SERPINE2: variants seen among roughly 807,000 people sequenced by gnomAD.
SERPINE2 encodes the protein serpin family E member 2, also known as glia-derived nexin.
Under a neutral mutation model 36.3 loss-of-function variants are expected in SERPINE2, and 14 were observed. The observed-to-expected ratio is 0.39, with a 90% confidence interval of 0.25 to 0.60. The LOEUF is 0.60. Among genes scored for constraint, SERPINE2 ranks in the 20% least tolerant of loss-of-function variants. SERPINE2 has a pLI of 0.57. For synonymous variants in SERPINE2, 192 were observed against 191.8 expected, an observed-to-expected ratio of 1.00 and a Z score of -0.01; for missense variants, 418 against 499.6, an observed-to-expected ratio of 0.84 and a Z score of 1.56.
chr2:224,010,008 C>A (rs1344785402), intron 1 of SERPINE2, among the ~76,000 whole-genome samples: 1 of 152,174 alleles, frequency 6.6e-6, no homozygotes, highest in South Asian at 2.1e-4. Flanking sequence ...TCCACCAAGA[C>A]CTGTATTCAT....
intron 1 of SERPINE2, among the ~76,000 whole-genome samples, chr2:224,033,160 T>C (rs1017526878): frequency 6.6e-6 from 1 of 152,196 alleles, no homozygotes; most frequent in African/African-American, 2.4e-5. Context: ...AGGCGTGCAA[T>C]CTACTCATGA....
intron 3 of SERPINE2, among the ~76,000 whole-genome samples, chr2:223,996,902 C>T (rs1043439550): frequency 2.0e-5 from 3 of 152,102 alleles, no homozygotes; most frequent in Non-Finnish European, 4.4e-5. Context: ...CACAGTGAGA[C>T]CCCACCTCTT....
At chr2:223,991,734 G>C in intron 4 of SERPINE2, 69 bp downstream of exon 4, 3 of 1,492,074 alleles carry the variant, frequency 2.0e-6, no homozygotes, top group Non-Finnish European at 2.8e-6. Flanking sequence ...CTGGAATTAA[G>C]TTAAAGCACT....
intron 3 of SERPINE2, among the ~76,000 whole-genome samples, chr2:223,993,827 C>T (rs781648955): frequency 7.9e-5 from 12 of 152,124 alleles, no homozygotes; most frequent in Non-Finnish European, 1.5e-4. Flanking sequence ...GCACTAACGC[C>T]ACCTTAAGTC....
rs748089179 is a variant in SERPINE2, at chr2:223,984,812, T to C, written c.824A>G (p.Lys275Arg). 6.2e-7 allele frequency: 1 copy of C among 1,613,962 alleles called. No individual in the cohort carries two copies. The highest frequency in any genetic ancestry group is 8.5e-7 in the Non-Finnish European group (1 of 1,180,000). Residue 275 changes from lysine to arginine, a missense_variant, in exon 5 of 9, where the codon AAG becomes AGG. Transcript: ENST00000409304. ...LSAIIPHIST[K>R]TIDSWMSIMV... Reference sequence around the variant, plus strand: ...GATGCTCATCCAGCTGTCTATGGTCTTGGTGCTGATGTGTGGGATGATGGC... The same window carrying C: ...GATGCTCATCCAGCTGTCTATGGTCCTGGTGCTGATGTGTGGGATGATGGC...
At chr2:224,005,073 AT>A (rs1691360027) in intron 1 of SERPINE2, among the ~76,000 whole-genome samples, 1 of 10,056 alleles carries the variant, frequency 9.9e-5, no homozygotes, top group Non-Finnish European at 2.4e-4. Flanking sequence ...TATTATATAT[AT>A]ATATATATAT....
At position 223,984,884 on chromosome 2, in the gene SERPINE2, A is replaced by T; in HGVS notation, c.752T>A (p.Ile251Asn). 1 of 1,614,196 alleles carries T rather than the reference A, an allele frequency of 6.2e-7. No homozygotes were observed. The highest frequency in any genetic ancestry group is 8.5e-7 in the Non-Finnish European group (1 of 1,180,026). Residue 251 changes from isoleucine (I) to asparagine (N), a missense_variant, in exon 5 of 9, where the codon ATC becomes AAC. Transcript: ENST00000409304. ...FIELPYHGES[I>N]SMLIALPTES... The stretch of plus-strand genomic sequence containing the variant: ...AGTCGGCAGTGCAATCAGCATGCTG[A>T]TGCTTTCCCCGTGGTAGGGCAGTTC...
chr2:223,982,397 T>A (rs747204836), intron 6 of SERPINE2: 3 of 269,474 alleles, frequency 1.1e-5, no homozygotes, highest in Non-Finnish European at 2.1e-5. Flanking sequence ...GGGGGAGGGG[T>A]GTACTAAAAT....
chr2:224,001,989 T>TC, intron 1 of SERPINE2, 67 bp from the exon 2 acceptor site: 1 of 1,360,346 alleles, frequency 7.4e-7, no homozygotes, highest in Non-Finnish European at 9.7e-7. Flanking sequence ...TTTTTTTTTT[T>TC]TCCCCCAGAT....
intron 7 of SERPINE2, 184 bp downstream of exon 7, chr2:223,980,126 GA>G: frequency 1.9e-6 from 1 of 519,324 alleles, no homozygotes; most frequent in Non-Finnish European, 3.5e-6. Flanking sequence ...TAATGAAACA[GA>G]TTCTGAGCTT....
At chr2:224,037,272 T>A (rs1168256052) in intron 1 of SERPINE2, among the ~76,000 whole-genome samples, 1 of 152,080 alleles carries the variant, frequency 6.6e-6, no homozygotes, top group Non-Finnish European at 1.5e-5. Flanking sequence ...ATTCTCCTGG[T>A]AGAATGGGCT....
At chr2:224,024,624 G>C (rs539005389) in intron 1 of SERPINE2, among the ~76,000 whole-genome samples, 2 of 152,278 alleles carry the variant, frequency 1.3e-5, no homozygotes, top group Non-Finnish European at 2.9e-5. Context: ...TCATCTATAA[G>C]ATCAGTGATA....
chr2:224,002,138 G>A (rs557833680), intron 1 of SERPINE2, among the ~76,000 whole-genome samples: 31 of 151,894 alleles, frequency 2.0e-4, no homozygotes, highest in Non-Finnish European at 3.4e-4. Flanking sequence ...CACCATACAC[G>A]GCTAATTTTT....
At chr2:224,022,423 T>G (rs1012851823) in intron 1 of SERPINE2, among the ~76,000 whole-genome samples, 1 of 152,184 alleles carries the variant, frequency 6.6e-6, no homozygotes, top group African/African-American at 2.4e-5. Context: ...AGTCATAACT[T>G]AGTGTTCTTC....
At chr2:223,978,160 T>C (rs1320136476) in intron 7 of SERPINE2, 1 of 153,600 alleles carries the variant, frequency 6.5e-6, no homozygotes, top group African/African-American at 2.4e-5. Flanking sequence ...GCCTCCTGAG[T>C]AGCTGGGATT....
chr2:223,977,408 A>C lies in SERPINE2; in HGVS notation c.1156+136T>G, dbSNP rs148301178. 2.0e-5 allele frequency: 13 copies of C among 660,614 alleles called. No individual in the cohort carries two copies. In the African/African-American group the frequency reaches 2.3e-4, roughly 12 times the overall value. 40.9% of individuals were successfully genotyped at this position (660,614 alleles called of 1,614,324 possible). A position where few individuals can be genotyped will look rare whatever the true frequency, so the allele number is the denominator to read the frequency against. ...TCCTATCTCTTTAACATGGGTGGTTATATTATTCAAAGTGTCTGCAACTAT... is the reference window on the plus strand; with the variant it reads ...TCCTATCTCTTTAACATGGGTGGTTCTATTATTCAAAGTGTCTGCAACTAT... On this transcript the variant is annotated intron_variant, in intron 8 of 8. Coordinates refer to ENST00000409304, the MANE Select transcript of SERPINE2 (RefSeq NM_001136528.2).
chr2:223,975,609 C>T lies in SERPINE2; in HGVS notation c.*258G>A, dbSNP rs965360495. 2.8e-6 allele frequency: 1 copy of T among 356,790 alleles called. No individual in the cohort carries two copies. Among genetic ancestry groups the T allele is most frequent in the Admixed American group, 4.5e-5 (1 of 22,138 alleles). The allele number at this position is 356,790 out of a possible 1,614,324, so 22.1% of individuals were successfully genotyped here. A position where few individuals can be genotyped will look rare whatever the true frequency, so the allele number is the denominator to read the frequency against. ...AGGGTTGTTAACCTAGGTAACAGTT[C>T]AGTAGTTTAAAGAATCTTTTAGACA... is the stretch of plus-strand genomic sequence containing the variant. On this transcript the variant is annotated 3_prime_UTR_variant, in exon 9 of 9. Transcript: ENST00000409304.
intron 7 of SERPINE2, chr2:223,979,948 C>G (rs1308722605): frequency 1.2e-5 from 2 of 162,400 alleles, no homozygotes; most frequent in African/African-American, 4.8e-5. Context: ...ACAGCCACAT[C>G]TGTTTACTTG....
intron 3 of SERPINE2, among the ~76,000 whole-genome samples, chr2:223,994,008 A>G (rs1164163199): frequency 1.3e-5 from 2 of 152,168 alleles, no homozygotes; most frequent in Non-Finnish European, 2.9e-5. Context: ...CTCTGCTGGG[A>G]ACATTACCCA....
Sources: gnomAD v4.1 joint callset for allele counts (sites outside exome capture counted in the v4.1 genomes callset) on GRCh38, gnomAD v4.1.1 for gene constraint, MANE v1.5 for transcripts, NCBI Gene and HGNC (gene_info 2026-07-23, HGNC 2026-07-21) for gene names.